SLC27A6: variants seen among roughly 807,000 people sequenced by gnomAD.
The protein encoded by SLC27A6 is solute carrier family 27 member 6.
In SLC27A6, 74 loss-of-function variants were observed where a neutral mutation model predicts 63.9. That is an observed-to-expected ratio of 1.16 (90% CI 0.96 to 1.40). The LOEUF is 1.40. Ranked by LOEUF, SLC27A6 falls within the 40% of genes most tolerant of loss-of-function variation. SLC27A6 has a pLI of 0.00. For missense variants in SLC27A6, 794 were observed against 732.9 expected (o/e 1.08, Z -0.96); for synonymous variants, 287 against 260.8 (o/e 1.10, Z -0.97).
In SLC27A6 at chr5:128,966,043, G is replaced by A. The variant is rs12188886; in HGVS notation, c.-95G>A. ...GAACTTCAGGTGTAAGCCCTGAGTA[G>A]TGAGGATCTGCGGTCTCCGTGGAGA... On this transcript the variant is annotated 5_prime_UTR_variant, in exon 1 of 10. The change creates a new upstream start codon in the 5' untranslated region. Transcript: ENST00000262462. 1 of 1,439,054 alleles carries A rather than the reference G, an allele frequency of 6.9e-7. No homozygotes were observed. The highest frequency in any genetic ancestry group is 1.4e-5 in the African/African-American group (1 of 70,456). 89.1% of individuals were successfully genotyped at this position (1,439,054 alleles called of 1,614,324 possible). A position where few individuals can be genotyped will look rare whatever the true frequency, so the allele number is the denominator to read the frequency against.
intron 4 of SLC27A6, among the ~76,000 whole-genome samples, chr5:129,002,950 C>G (rs1435097011): frequency 1.3e-5 from 2 of 152,164 alleles, no homozygotes; most frequent in Non-Finnish European, 2.9e-5. Flanking sequence ...TGCTGTTTCT[C>G]TACTTTGGTT....
intron 5 of SLC27A6, among the ~76,000 whole-genome samples, chr5:129,018,279 C>CT (rs1751972742): frequency 6.6e-6 from 1 of 152,056 alleles, no homozygotes; most frequent in Admixed American, 6.5e-5. Context: ...AATAAACTGC[C>CT]ATACCTCAAA....
At chr5:128,966,676 C>CA in intron 1 of SLC27A6, 58 bp downstream of exon 1, 1 of 1,046,864 alleles carries the variant, frequency 9.6e-7, no homozygotes, top group Non-Finnish European at 1.2e-6. Flanking sequence ...CTTTCATACC[C>CA]TTTTTTTTTT....
At chr5:128,988,484 T>C (rs1750865505) in intron 2 of SLC27A6, 116 bp from the exon 3 acceptor site, 2 of 744,878 alleles carry the variant, frequency 2.7e-6, no homozygotes, top group African/African-American at 1.8e-5. Context: ...GCTAGTGTAG[T>C]TGTTATCAGT....
chr5:129,016,128 C>T lies in SLC27A6; in HGVS notation c.1164+49C>T, dbSNP rs371823143. ...AAAGAAATACATCGGTGCGGTGGCTCATACCTGTAATCCCAACACTTTGGG... is the reference window on the plus strand; with the variant it reads ...AAAGAAATACATCGGTGCGGTGGCTTATACCTGTAATCCCAACACTTTGGG... On this transcript the variant is annotated intron_variant, in intron 5 of 9. Transcript: ENST00000262462. 1.4e-4 allele frequency: 196 copies of T among 1,371,518 alleles called. 1 individual carries two copies. The highest frequency in any genetic ancestry group is 3.8e-4 in the Middle Eastern group (2 of 5,324). The allele number at this position is 1,371,518 out of a possible 1,614,324, so 85.0% of individuals were successfully genotyped here.
intron 9 of SLC27A6, among the ~76,000 whole-genome samples, chr5:129,032,415 G>A (rs576949708): frequency 6.6e-5 from 10 of 151,908 alleles, no homozygotes; most frequent in Admixed American, 2.6e-4. Context: ...GATGATTTTT[G>A]GCTGTACTTG....
At chr5:128,968,362 A>T (rs551929221) in intron 1 of SLC27A6, among the ~76,000 whole-genome samples, 1 of 152,082 alleles carries the variant, frequency 6.6e-6, no homozygotes, top group Non-Finnish European at 1.5e-5. Flanking sequence ...GGTTGAACTA[A>T]TTTACACTCC....
rs76768809 is a variant in SLC27A6 at position 129,029,996 on chromosome 5, A to G, written c.1683+289A>G. Among the ~76,000 whole-genome samples the G allele has an allele frequency of 9.3e-3, 1,415 of 152,118 alleles. 16 individuals are homozygous for G. Among genetic ancestry groups the G allele is most frequent in the African/African-American group, 0.031 (1,298 of 41,522 alleles). On this transcript the variant is annotated intron_variant, in intron 9 of 9. Transcript: ENST00000262462. ...AGTGACGGTGGCAATCCAAAACCAC[A>G]TCTTACTTTTATCTTGCGAAGACAT... is the stretch of plus-strand genomic sequence containing the variant.
At chr5:129,019,370 A>T in intron 5 of SLC27A6, among the ~76,000 whole-genome samples, 1 of 152,034 alleles carries the variant, frequency 6.6e-6, no homozygotes, top group Non-Finnish European at 1.5e-5. Flanking sequence ...GGAGAAAATG[A>T]ATCTAAATAA....
chr5:128,988,451 C>A, intron 2 of SLC27A6, 149 bp from the exon 3 acceptor site: 1 of 603,036 alleles, frequency 1.7e-6, no homozygotes, highest in Non-Finnish European at 2.8e-6. Flanking sequence ...AGATAGACTA[C>A]TTTGATATAT....
At chr5:129,032,181 T>TA (rs1457073534) in intron 9 of SLC27A6, among the ~76,000 whole-genome samples, 3 of 152,022 alleles carry the variant, frequency 2.0e-5, no homozygotes, top group Non-Finnish European at 4.4e-5. Flanking sequence ...AACAAATACC[T>TA]AAACATTTGT....
At chr5:128,970,201 T>A (rs1342688934) in intron 1 of SLC27A6, among the ~76,000 whole-genome samples, 3 of 145,218 alleles carry the variant, frequency 2.1e-5, no homozygotes, top group Non-Finnish European at 1.6e-5. Flanking sequence ...TCAGTGTTCA[T>A]CAAGGATATT....
At chr5:128,973,591 A>G (rs1031473212) in intron 1 of SLC27A6, among the ~76,000 whole-genome samples, 2 of 152,202 alleles carry the variant, frequency 1.3e-5, no homozygotes, top group Non-Finnish European at 2.9e-5. Flanking sequence ...GGCACGGGAT[A>G]TAGTTTCCTG....
intron 5 of SLC27A6, among the ~76,000 whole-genome samples, chr5:129,022,011 T>C (rs1752090087): frequency 1.3e-5 from 2 of 152,148 alleles, no homozygotes; most frequent in African/African-American, 4.8e-5. Context: ...GAGAAAAGAA[T>C]AAGTAATGAA....
intron 4 of SLC27A6, among the ~76,000 whole-genome samples, chr5:129,003,089 G>T (rs1313982325): frequency 6.6e-6 from 1 of 152,152 alleles, no homozygotes; most frequent in Admixed American, 6.5e-5. Flanking sequence ...TGTCTAGTTT[G>T]TGTCTTTCTT....
rs369671854 is a variant in SLC27A6 at position 128,998,830 on chromosome 5, G to A, written c.969+8366G>A. Among the ~76,000 whole-genome samples, 20 of 152,226 alleles carry A rather than the reference G, an allele frequency of 1.3e-4. 1 individual carries two copies. The highest frequency in any genetic ancestry group is 4.8e-4 in the African/African-American group (20 of 41,544). On this transcript the variant is annotated intron_variant, in intron 4 of 9. Transcript: ENST00000262462. ...GGTTAATCTTTGTTCTGCAGTGAGG[G>A]CTTATCAGGAAATACAAGAATATTC... is the stretch of plus-strand genomic sequence containing the variant.
intron 4 of SLC27A6, among the ~76,000 whole-genome samples, chr5:129,014,624 G>T (rs542359957): frequency 6.6e-6 from 1 of 152,226 alleles, no homozygotes; most frequent in African/African-American, 2.4e-5. Context: ...TGTCTGTCTG[G>T]CTAGACATCT....
chr5:128,989,829 C>T (rs1462484057), intron 3 of SLC27A6, among the ~76,000 whole-genome samples: 2 of 148,510 alleles, frequency 1.3e-5, no homozygotes, highest in Non-Finnish European at 1.5e-5. Flanking sequence ...GAGGCTGAGG[C>T]AGGAGAATAG....
chr5:128,982,789 G>A (rs1491002986), intron 1 of SLC27A6, among the ~76,000 whole-genome samples: 7 of 152,132 alleles, frequency 4.6e-5, no homozygotes, highest in Admixed American at 2.0e-4. Flanking sequence ...ATGTGTGTGT[G>A]TTAAGTAGAG....
Sources: allele counts gnomAD v4.1 joint callset (sites outside exome capture counted in the v4.1 genomes callset), GRCh38; gene constraint gnomAD v4.1.1; transcripts MANE v1.5; gene names NCBI Gene and HGNC (gene_info 2026-07-23, HGNC 2026-07-21).